Variants in SPINK9 observed in about 807,000 individuals in gnomAD.
SPINK9 encodes the protein serine protease inhibitor Kazal-type 9.
Under a neutral mutation model 10.8 loss-of-function variants are expected in SPINK9, and 3 were observed. That is an observed-to-expected ratio of 0.28 (90% CI 0.13 to 0.72). The LOEUF (loss-of-function observed/expected upper bound fraction) is 0.72, where lower values mean the gene tolerates loss of function less well. SPINK9 is among the 30% of genes least tolerant of loss of function. The probability of loss-of-function intolerance (pLI) is 0.74; values close to 1 mark genes in which losing one functional copy is unlikely to be tolerated. For synonymous variants in SPINK9, 30 were observed against 31.2 expected, an observed-to-expected ratio of 0.96 and a Z score of 0.12; for missense variants, 101 against 103.2, an observed-to-expected ratio of 0.98 and a Z score of 0.09.
upstream of SPINK9, among the ~76,000 whole-genome samples, chr5:148,330,751 T>G (rs1290107427): frequency 6.6e-6 from 1 of 152,200 alleles, no homozygotes; most frequent in Non-Finnish European, 1.5e-5. Flanking sequence ...ATTTTATTTC[T>G]CCTTCACTTA....
chr5:148,332,463 C>T (rs1457979847), upstream of SPINK9, among the ~76,000 whole-genome samples: 1 of 152,146 alleles, frequency 6.6e-6, no homozygotes, highest in South Asian at 2.1e-4. Flanking sequence ...AATAGCGATA[C>T]CAATAGGTTT....
At chr5:148,332,195 T>C (rs1317052253), upstream of SPINK9, among the ~76,000 whole-genome samples, 1 of 152,242 alleles carries the variant, frequency 6.6e-6, no homozygotes, top group Non-Finnish European at 1.5e-5. Context: ...GTGATAAATC[T>C]GTTCCTATGA....
At chr5:148,321,484 G>T (rs1756999002) in intron 1 of SPINK9, 1 of 145,476 alleles carries the variant, frequency 6.9e-6, no homozygotes, top group Non-Finnish European at 1.5e-5. Context: ...GGATGGACTG[G>T]TGCAATTTTT....
At position 148,336,464 on chromosome 5, in the gene SPINK9, C is replaced by A; in HGVS notation, c.87+11C>A. 1 of 1,612,608 alleles carries A rather than the reference C, an allele frequency of 6.2e-7. No homozygotes were observed. The highest frequency in any genetic ancestry group is 8.5e-7 in the Non-Finnish European group (1 of 1,178,924). On this transcript the variant is annotated intron_variant, in intron 2 of 3. Transcript: ENST00000377906. ...CAGACGAAACAGATGGTCAGTACACCCATCCTACTTTTATGTAATTTTAAA... is the reference window on the plus strand; with the variant it reads ...CAGACGAAACAGATGGTCAGTACACACATCCTACTTTTATGTAATTTTAAA...
At chr5:148,325,325 T>C (rs1316429165) in intron 2 of SPINK9, among the ~76,000 whole-genome samples, 1 of 152,116 alleles carries the variant, frequency 6.6e-6, no homozygotes, top group Non-Finnish European at 1.5e-5. Flanking sequence ...GTTTAACTTT[T>C]TGAGGAGCTA....
At chr5:148,330,757 A>T (rs1360521727), upstream of SPINK9, among the ~76,000 whole-genome samples, 1 of 152,060 alleles carries the variant, frequency 6.6e-6, no homozygotes, top group African/African-American at 2.4e-5. Context: ...TTTCTCCTTC[A>T]CTTATGAAGC....
At chr5:148,332,671 T>C (rs542103055), upstream of SPINK9, among the ~76,000 whole-genome samples, 18 of 152,336 alleles carry the variant, frequency 1.2e-4, no homozygotes, top group African/African-American at 3.6e-4. Flanking sequence ...TGTAATTTTA[T>C]TGGACTCTCC....
chr5:148,324,113 C>G (rs1757029594), intron 2 of SPINK9, among the ~76,000 whole-genome samples: 2 of 152,112 alleles, frequency 1.3e-5, no homozygotes, highest in African/African-American at 2.4e-5. Flanking sequence ...TTCTTTGCAA[C>G]ATGCATGGCA....
chr5:148,335,441 C>G (rs1757203421), upstream of SPINK9: 1 of 544,520 alleles, frequency 1.8e-6, no homozygotes, highest in South Asian at 2.6e-5. Context: ...AAAAGAATCC[C>G]CATGGCTCGC....
chr5:148,339,521 A>G, intron 3 of SPINK9, 146 bp from the exon 4 acceptor site: 1 of 613,442 alleles, frequency 1.6e-6, no homozygotes, highest in Non-Finnish European at 2.8e-6. Flanking sequence ...TTTCAAAAAT[A>G]TTTCTAAATT....
intron 2 of SPINK9, among the ~76,000 whole-genome samples, chr5:148,324,943 A>G (rs1331740172): frequency 1.3e-5 from 2 of 151,944 alleles, no homozygotes; most frequent in African/African-American, 4.8e-5. Flanking sequence ...CTACCCCCCT[A>G]CTATCCTCCC....
chr5:148,333,271 T>A (rs955156362), upstream of SPINK9, among the ~76,000 whole-genome samples: 1 of 152,206 alleles, frequency 6.6e-6, no homozygotes, highest in East Asian at 1.9e-4. Flanking sequence ...CCAACTCTAC[T>A]GATGCAGGAC....
exon 2 of SPINK9, chr5:148,323,789 T>C (rs973866898): frequency 1.4e-6 from 1 of 701,334 alleles, no homozygotes; most frequent in African/African-American, 1.7e-5. Context: ...GTTTTCATTA[T>C]AAAACTCCAC....
intron 3 of SPINK9, among the ~76,000 whole-genome samples, chr5:148,338,945 G>T (rs1377630721): frequency 6.6e-6 from 1 of 152,142 alleles, no homozygotes; most frequent in Non-Finnish European, 1.5e-5. Flanking sequence ...CCAGGGTCAA[G>T]GAGTATCCTC....
chr5:148,337,650 T>C (rs138740855), intron 2 of SPINK9, among the ~76,000 whole-genome samples: 37 of 152,148 alleles, frequency 2.4e-4, no homozygotes, highest in African/African-American at 8.7e-4. Context: ...ATATTTTCCA[T>C]GCAATGTAGT....
At chr5:148,329,149 T>C (rs1360022411) in intron 2 of SPINK9, among the ~76,000 whole-genome samples, 2 of 152,170 alleles carry the variant, frequency 1.3e-5, no homozygotes, top group Non-Finnish European at 2.9e-5. Flanking sequence ...TTTTTTTTGT[T>C]TGGTAAGCTA....
intron 2 of SPINK9, chr5:148,323,974 G>T (rs949358319): frequency 1.9e-6 from 1 of 523,684 alleles, no homozygotes. Context: ...TATTGTGGGA[G>T]TCAGATGAGA....
At chr5:148,324,212 A>G (rs945388073) in intron 2 of SPINK9, among the ~76,000 whole-genome samples, 1 of 152,172 alleles carries the variant, frequency 6.6e-6, no homozygotes, top group Non-Finnish European at 1.5e-5. Flanking sequence ...AATTGATATT[A>G]GAAAGTGAAA....
At chr5:148,322,704 G>A (rs1477397403) in intron 1 of SPINK9, among the ~76,000 whole-genome samples, 1 of 152,188 alleles carries the variant, frequency 6.6e-6, no homozygotes, top group Admixed American at 6.5e-5. Flanking sequence ...TTGTAGGGCT[G>A]TAAGTGGCAG....
Sources: gnomAD v4.1 joint callset for allele counts (sites outside exome capture counted in the v4.1 genomes callset) on GRCh38, gnomAD v4.1.1 for gene constraint, MANE v1.5 for transcripts, NCBI Gene and HGNC (gene_info 2026-07-23, HGNC 2026-07-21) for gene names.